RNF14: variants seen among roughly 807,000 people sequenced by gnomAD.
RNF14 encodes the protein ring finger protein 14, also known as E3 ubiquitin-protein ligase RNF14.
RNF14 carries 26 observed loss-of-function variants against 52.6 expected under a neutral mutation model. The ratio of observed to expected loss-of-function variants is 0.49; its 90% CI spans 0.36 to 0.69. RNF14 has a LOEUF of 0.69. Ranked by LOEUF, RNF14 falls within the 30% of genes least tolerant of loss-of-function variation. RNF14 has a pLI of 0.00. For synonymous variants in RNF14, 194 were observed against 202.0 expected, an observed-to-expected ratio of 0.96 and a Z score of 0.34; for missense variants, 404 against 560.4, an observed-to-expected ratio of 0.72 and a Z score of 2.82.
upstream of RNF14, among the ~76,000 whole-genome samples, chr5:141,968,166 G>T (rs1753423777): frequency 1.3e-5 from 2 of 150,736 alleles, no homozygotes; most frequent in Non-Finnish European, 2.9e-5. Context: ...ACCTAGGCTG[G>T]AGTGCAGTGA....
upstream of RNF14, among the ~76,000 whole-genome samples, chr5:141,961,872 C>T (rs1753277413): frequency 1.3e-5 from 2 of 152,204 alleles, no homozygotes; most frequent in Non-Finnish European, 2.9e-5. Flanking sequence ...GCTGAGATCA[C>T]ACCTCGCCCC....
intron 2 of RNF14, among the ~76,000 whole-genome samples, chr5:141,971,832 G>A (rs573467695): frequency 1.3e-5 from 2 of 151,432 alleles, no homozygotes; most frequent in African/African-American, 4.8e-5. Flanking sequence ...ATTTTTAGTA[G>A]AGATGGGGTT....
chr5:141,953,123 A>G, the RNF14 span: 2 of 152,216 alleles, frequency 1.3e-5, no homozygotes, highest in African/African-American at 2.4e-5. Flanking sequence ...GCCAAGCCCT[A>G]TGCTGAGCAC....
At chr5:141,959,955 T>C (rs1753245393) in intron 1 of RNF14, among the ~76,000 whole-genome samples, 1 of 152,172 alleles carries the variant, frequency 6.6e-6, no homozygotes, top group Non-Finnish European at 1.5e-5. Flanking sequence ...ACTCAGCACA[T>C]AAGGACTATG....
chr5:141,957,583 C>T (rs2126931050), upstream of RNF14: 2 of 1,614,236 alleles, frequency 1.2e-6, no homozygotes, highest in Non-Finnish European at 1.7e-6. The surrounding 1 kb of genome is among the most constrained non-coding windows in gnomAD (Gnocchi z 4.3). Flanking sequence ...ATCCAGCCGC[C>T]TGCCTGTGCT....
intron 6 of RNF14, chr5:141,981,459 A>T (rs1435084108): frequency 1.3e-5 from 2 of 152,160 alleles, no homozygotes; most frequent in African/African-American, 4.8e-5. Context: ...AAATTAAATC[A>T]AGCAAACCTG....
chr5:141,956,868 A>G (rs1391527887), upstream of RNF14: 1 of 1,614,062 alleles, frequency 6.2e-7, no homozygotes, highest in Non-Finnish European at 8.5e-7. Context: ...TAGGATTGGG[A>G]CCCAGGTCCC....
chr5:141,954,181 T>A (rs1596645723), upstream of RNF14, among the ~76,000 whole-genome samples: 1 of 152,216 alleles, frequency 6.6e-6, no homozygotes, highest in African/African-American at 2.4e-5. Context: ...TAAGTGGCTG[T>A]GTTGAAATCT....
At chr5:141,961,556 A>G (rs1753275691) in intron 1 of RNF14, among the ~76,000 whole-genome samples, 2 of 152,188 alleles carry the variant, frequency 1.3e-5, no homozygotes. Context: ...TTTTGAAAAT[A>G]GGTTTGAAGG....
At chr5:141,955,137 G>A (rs1427372112), upstream of RNF14, 17 of 1,614,232 alleles carry the variant, frequency 1.1e-5, no homozygotes, top group Non-Finnish European at 1.4e-5. This position sits in a 1 kb window ranked among gnomAD's most constrained non-coding sequence, Gnocchi z 5.5. Context: ...TTGCAGAGGA[G>A]GCTGGTGGCC....
upstream of RNF14, chr5:141,955,595 G>T (rs748195711): frequency 2.5e-6 from 4 of 1,614,140 alleles, no homozygotes; most frequent in Non-Finnish European, 3.4e-6. This position sits in a 1 kb window ranked among gnomAD's most constrained non-coding sequence, Gnocchi z 5.5. Context: ...TCGGCCTCCC[G>T]ACAGTTGTAG....
At chr5:141,987,114 G>A (rs1755307502) in intron 8 of RNF14, among the ~76,000 whole-genome samples, 1 of 152,162 alleles carries the variant, frequency 6.6e-6, no homozygotes, top group Non-Finnish European at 1.5e-5. Flanking sequence ...ATCAGCGGTG[G>A]AGCAAGTCTT....
chr5:141,965,195 C>T (rs981974634), upstream of RNF14, among the ~76,000 whole-genome samples: 2 of 152,144 alleles, frequency 1.3e-5, no homozygotes, highest in Non-Finnish European at 2.9e-5. Flanking sequence ...AGGCAGTCCC[C>T]CCTGGGATGG....
intron 7 of RNF14, among the ~76,000 whole-genome samples, chr5:141,983,799 A>G (rs1170280482): frequency 6.6e-6 from 1 of 152,000 alleles, no homozygotes; most frequent in African/African-American, 2.4e-5. Flanking sequence ...CTCAAAATTG[A>G]ATGGGTTGTA....
chr5:141,949,628 T>C, the RNF14 span: 1 of 1,589,158 alleles, frequency 6.3e-7, no homozygotes, highest in Non-Finnish European at 8.6e-7. Context: ...CATTCCCATA[T>C]AGATTCATTC....
At chr5:141,957,591 G>A, upstream of RNF14, 1 of 1,614,214 alleles carries the variant, frequency 6.2e-7, no homozygotes, top group Non-Finnish European at 8.5e-7. This position sits in a 1 kb window ranked among gnomAD's most constrained non-coding sequence, Gnocchi z 4.3. Context: ...GCCTGCCTGT[G>A]CTGAGCAAGC....
At chr5:141,983,323 AT>A in intron 6 of RNF14, 56 bp from the exon 7 acceptor site, 1 of 1,341,148 alleles carries the variant, frequency 7.5e-7, no homozygotes, top group Middle Eastern at 2.0e-4. Flanking sequence ...ATTTTTAATG[AT>A]TTTTGGTCAG....
the RNF14 span, chr5:141,949,406 T>C: frequency 6.3e-7 from 1 of 1,598,874 alleles, no homozygotes; most frequent in African/African-American, 1.3e-5. Context: ...AGAAGCAGGG[T>C]CAAGGTAACT....
rs117828217 is a variant in RNF14, at chr5:141,974,316, T to A, written c.155-488T>A. Among the ~76,000 whole-genome samples, 6 of 152,352 alleles carry A rather than the reference T, an allele frequency of 3.9e-5. No individual in the cohort carries two copies. The East Asian group carries it at 9.6e-4, about 24-fold the overall frequency. ...AAACTTTGATTGTGAGAGTGTTGTGTGCTATATTATATCCTCAAACCTGAG... is the reference window on the plus strand; with the variant it reads ...AAACTTTGATTGTGAGAGTGTTGTGAGCTATATTATATCCTCAAACCTGAG... On this transcript the variant is annotated intron_variant, in intron 3 of 8. Transcript: ENST00000394520.
Sources: allele counts gnomAD v4.1 joint callset (sites outside exome capture counted in the v4.1 genomes callset), GRCh38; gene constraint gnomAD v4.1.1; non-coding constraint Gnocchi (gnomAD v3.1); transcripts MANE v1.5; gene names NCBI Gene and HGNC (gene_info 2026-07-23, HGNC 2026-07-21).